The following TESK2 variants were observed in gnomAD, a reference collection of about 807,000 sequenced individuals.
TESK2 encodes dual specificity testis-specific protein kinase 2.
A neutral mutation model predicts 57.1 loss-of-function variants in TESK2; 39 were observed. That is an observed-to-expected ratio of 0.68 (90% CI 0.53 to 0.89). The LOEUF is 0.89. Ranked by LOEUF, TESK2 falls within the 40% of genes least tolerant of loss-of-function variation. TESK2 has a pLI of 0.00. For missense variants in TESK2, 646 were observed against 732.1 expected, an observed-to-expected ratio of 0.88 and a Z score of 1.36; for synonymous variants, 249 against 267.9, an observed-to-expected ratio of 0.93 and a Z score of 0.69.
Position 45,344,787 on chromosome 1 carries a change from A to G in TESK2, c.*53T>C. ...ATCAAGGCTGTGCACCTAGGGGGCC[A>G]TATGGTTTCAGCTGAAGGTCCATCC... On this transcript the variant is annotated 3_prime_UTR_variant, in exon 11 of 11. Transcript: ENST00000372086. 1.3e-6 allele frequency: 2 copies of G among 1,502,880 alleles called. No homozygotes were observed. Among genetic ancestry groups the G allele is most frequent in the Non-Finnish European group, 1.8e-6 (2 of 1,098,734 alleles). 93.1% of individuals were successfully genotyped at this position (1,502,880 alleles called of 1,614,324 possible).
chr1:45,442,781 C>T (rs1258538148), intron 2 of TESK2, among the ~76,000 whole-genome samples: 5 of 152,062 alleles, frequency 3.3e-5, no homozygotes, highest in Non-Finnish European at 5.9e-5. Context: ...ACATCCAAAT[C>T]GTTCCAATTT....
At chr1:45,443,561 T>A (rs1360258366) in intron 2 of TESK2, among the ~76,000 whole-genome samples, 1 of 88,424 alleles carries the variant, frequency 1.1e-5, no homozygotes, top group Non-Finnish European at 2.0e-5. Context: ...CAGAGCGAGA[T>A]CCATCGCAAA....
intron 1 of TESK2, among the ~76,000 whole-genome samples, chr1:45,489,027 G>C (rs1653604387): frequency 6.6e-6 from 1 of 151,986 alleles, no homozygotes; most frequent in Non-Finnish European, 1.5e-5. Flanking sequence ...ATCTGGGTGT[G>C]GTGGCTCCTG....
intron 3 of TESK2, among the ~76,000 whole-genome samples, chr1:45,393,955 C>T (rs1329957534): frequency 6.6e-6 from 1 of 152,080 alleles, no homozygotes; most frequent in Admixed American, 6.6e-5. Flanking sequence ...TGTCACAAGA[C>T]CTTAAAAATT....
At chr1:45,458,168 A>G (rs1050955454) in intron 1 of TESK2, among the ~76,000 whole-genome samples, 1 of 152,224 alleles carries the variant, frequency 6.6e-6, no homozygotes, top group Admixed American at 6.5e-5. Context: ...ATAGTATAAG[A>G]GCTTGACATA....
Position 45,384,606 on chromosome 1 carries a change from T to A in TESK2, c.393+1306A>T, listed in dbSNP as rs2492842. Among the ~76,000 whole-genome samples, 337 of 125,540 alleles carry A rather than the reference T, an allele frequency of 2.7e-3. 8 individuals carry two copies. The highest frequency in any genetic ancestry group is 0.011 in the African/African-American group (325 of 30,610). 82.4% of individuals were successfully genotyped at this position (125,540 alleles called of 152,430 possible). ...AGCTAATTATTAATTTTTTTTTTTTTTTTTTTTTTTTTTTTTTTTTGTAGA... is the reference window on the plus strand; with the variant it reads ...AGCTAATTATTAATTTTTTTTTTTTATTTTTTTTTTTTTTTTTTTTGTAGA... On this transcript the variant is annotated intron_variant, in intron 4 of 10. Transcript: ENST00000372086.
At chr1:45,372,944 C>T (rs1475595539) in intron 4 of TESK2, among the ~76,000 whole-genome samples, 1 of 150,436 alleles carries the variant, frequency 6.6e-6, no homozygotes, top group Non-Finnish European at 1.5e-5. Flanking sequence ...AGGAGAATTG[C>T]TCGAACCTGG....
In TESK2 at chr1:45,346,131, G is replaced by A. The variant is rs187907260; in HGVS notation, c.880-137C>T. 9 of 700,654 alleles carry A rather than the reference G, an allele frequency of 1.3e-5. No homozygotes were observed. The Admixed American group carries it at 1.5e-4, about 12-fold the overall frequency. The allele number at this position is 700,654 out of a possible 1,614,324, so 43.4% of individuals were successfully genotyped here. Reference sequence around the variant, plus strand: ...TTTTCTAAAGGCCCCAGACAATGAAGGTGATCCCTACAGTTCAGGTCAGGG... The same window carrying A: ...TTTTCTAAAGGCCCCAGACAATGAAAGTGATCCCTACAGTTCAGGTCAGGG... On this transcript the variant is annotated intron_variant, in intron 9 of 10. Transcript: ENST00000372086.
intron 5 of TESK2, among the ~76,000 whole-genome samples, chr1:45,352,373 A>G (rs1647253908): frequency 6.6e-6 from 1 of 152,236 alleles, no homozygotes; most frequent in South Asian, 2.1e-4. Context: ...CCCCATAAGG[A>G]AAAGCAAAGG....
intron 4 of TESK2, among the ~76,000 whole-genome samples, chr1:45,375,690 GA>G (rs1490825221): frequency 1.3e-5 from 2 of 151,840 alleles, no homozygotes; most frequent in East Asian, 3.9e-4. Flanking sequence ...TTGAGCCCAG[GA>G]CCAGCCTGGG....
chr1:45,475,257 A>AGT (rs976458091), intron 1 of TESK2, among the ~76,000 whole-genome samples: 8 of 126,252 alleles, frequency 6.3e-5, no homozygotes, highest in Non-Finnish European at 9.4e-5. Context: ...CCCAGGATGG[A>AGT]GTGCAGTGAC....
At position 45,347,658 on chromosome 1, in the gene TESK2, G is replaced by A. The variant is rs1469031830; in HGVS notation, c.659C>T (p.Pro220Leu). Residue 220 changes from proline to leucine, a missense_variant, in exon 7 of 11, where the codon CCA becomes CTA. Transcript: ENST00000372086. ...GAGAACCTCAGGTGCCATCCAGAAT[G>A]GGGAACCCACCACGGCCAGCTTCTC... ...GSEKLAVVGS[P>L]FWMAPEVLRD... is the part of the protein sequence containing the mutation. The A allele has an allele frequency of 6.2e-7, 1 of 1,614,150 alleles. No homozygotes were observed. The highest frequency in any genetic ancestry group is 8.5e-7 in the Non-Finnish European group (1 of 1,180,020).
chr1:45,487,310 T>C (rs1449015763), intron 1 of TESK2, among the ~76,000 whole-genome samples: 3 of 152,168 alleles, frequency 2.0e-5, no homozygotes, highest in Non-Finnish European at 4.4e-5. Context: ...TACCATTTGG[T>C]ACTACTTTTC....
chr1:45,485,420 C>T lies in TESK2; in HGVS notation c.-87+5432G>A, dbSNP rs193040345. Among the ~76,000 whole-genome samples, 517 of 152,126 alleles carry T rather than the reference C, an allele frequency of 3.4e-3. 1 individual carries two copies. Among genetic ancestry groups the T allele is most frequent in the African/African-American group, 0.012 (479 of 41,542 alleles). On this transcript the variant is annotated intron_variant, in intron 1 of 10. Transcript: ENST00000372086. ...GTCAGGATGGTCTAGATCTCCGGAC[C>T]TCGTGATCCGCCCGCCTCGGCCTCC...
chr1:45,403,896 A>T (rs1649732614), intron 3 of TESK2, among the ~76,000 whole-genome samples: 1 of 151,798 alleles, frequency 6.6e-6, no homozygotes, highest in African/African-American at 2.4e-5. Context: ...AAAAAAAAAA[A>T]AAACAAGTCT....
At chr1:45,399,090 C>A (rs1320821505) in intron 3 of TESK2, 3 of 332,796 alleles carry the variant, frequency 9.0e-6, no homozygotes, top group Admixed American at 4.1e-5. Flanking sequence ...AAAACATTGC[C>A]TTGTTCACAG....
chr1:45,431,345 G>A (rs1650945555), intron 2 of TESK2, among the ~76,000 whole-genome samples: 1 of 152,138 alleles, frequency 6.6e-6, no homozygotes. Context: ...TTGAACCCGG[G>A]AGACGGAGGT....
chr1:45,394,669 A>G (rs1466769111), intron 3 of TESK2, among the ~76,000 whole-genome samples: 1 of 146,024 alleles, frequency 6.8e-6, no homozygotes, highest in African/African-American at 2.5e-5. Flanking sequence ...AGTAAGACCA[A>G]CAGGAAACTC....
intron 3 of TESK2, chr1:45,413,811 T>C (rs949835450): frequency 6.6e-6 from 3 of 456,004 alleles, no homozygotes; most frequent in Non-Finnish European, 1.3e-5. Flanking sequence ...AAGAGATGGA[T>C]TCTTCCCAAT....
Sources: gnomAD v4.1 joint callset for allele counts (sites outside exome capture counted in the v4.1 genomes callset) on GRCh38, gnomAD v4.1.1 for gene constraint, MANE v1.5 for transcripts, NCBI Gene and HGNC (gene_info 2026-07-23, HGNC 2026-07-21) for gene names.